SHC4: variants seen among roughly 807,000 people sequenced by gnomAD.
SHC4 encodes the protein SHC-transforming protein 4.
Under a neutral mutation model 69.4 loss-of-function variants are expected in SHC4, and 41 were observed. That is an observed-to-expected ratio of 0.59 (90% CI 0.46 to 0.77). SHC4 has a LOEUF of 0.77. Ranked by LOEUF, SHC4 falls within the 30% of genes least tolerant of loss-of-function variation. SHC4 has a pLI of 0.00. For synonymous variants in SHC4, 318 were observed against 299.3 expected, an observed-to-expected ratio of 1.06 and a Z score of -0.64; for missense variants, 777 against 783.8, an observed-to-expected ratio of 0.99 and a Z score of 0.10.
chr15:48,842,891 A>T (rs1413969091), intron 10 of SHC4, among the ~76,000 whole-genome samples: 3 of 152,124 alleles, frequency 2.0e-5, no homozygotes, highest in Non-Finnish European at 4.4e-5. Flanking sequence ...TGATCATGCC[A>T]CTGTACCCCA....
chr15:48,936,128 T>C (rs1004035564), intron 1 of SHC4, among the ~76,000 whole-genome samples: 1 of 152,122 alleles, frequency 6.6e-6, no homozygotes, highest in Non-Finnish European at 1.5e-5. Flanking sequence ...ACCCTCCAAA[T>C]ATATTTTGGT....
At chr15:48,879,635 C>T (rs905508638) in intron 4 of SHC4, 8 of 166,946 alleles carry the variant, frequency 4.8e-5, no homozygotes, top group Admixed American at 2.0e-4. Context: ...AAGTAAAAAG[C>T]GCTATATCTA....
At chr15:48,920,912 T>A (rs187331607) in intron 2 of SHC4, among the ~76,000 whole-genome samples, 1 of 56,570 alleles carries the variant, frequency 1.8e-5, no homozygotes, top group East Asian at 8.8e-4. Flanking sequence ...TCGAGACTCT[T>A]GTCTCTATAT....
At chr15:48,891,224 A>T (rs1344585322) in intron 2 of SHC4, among the ~76,000 whole-genome samples, 1 of 151,870 alleles carries the variant, frequency 6.6e-6, no homozygotes, top group Non-Finnish European at 1.5e-5. Flanking sequence ...TCAGAACTAA[A>T]GACAATTAAA....
At chr15:48,928,730 T>C (rs954913768) in intron 1 of SHC4, among the ~76,000 whole-genome samples, 2 of 152,154 alleles carry the variant, frequency 1.3e-5, no homozygotes, top group African/African-American at 4.8e-5. Context: ...TCCCCTTCCC[T>C]TCATGTGAAC....
intron 11 of SHC4, 100 bp from the exon 12 acceptor site, chr15:48,826,226 G>T: frequency 5.6e-6 from 6 of 1,066,760 alleles, no homozygotes; most frequent in Non-Finnish European, 7.8e-6. Context: ...CCCTAAAGTA[G>T]ATACTTTGCT....
chr15:48,934,158 T>A (rs1208218604), intron 1 of SHC4, among the ~76,000 whole-genome samples: 1 of 152,098 alleles, frequency 6.6e-6, no homozygotes, highest in African/African-American at 2.4e-5. Flanking sequence ...ACTCAGAGAA[T>A]GGGAGAAAAT....
At chr15:48,936,915 AG>A (rs1901081706) in intron 1 of SHC4, among the ~76,000 whole-genome samples, 1 of 152,164 alleles carries the variant, frequency 6.6e-6, no homozygotes. Flanking sequence ...TTGAACTAAG[AG>A]AGGTTTCATC....
intron 8 of SHC4, among the ~76,000 whole-genome samples, chr15:48,854,798 T>C (rs1268714249): frequency 1.3e-5 from 2 of 152,026 alleles, no homozygotes; most frequent in African/African-American, 4.8e-5. Context: ...ATGGCAACAA[T>C]TGACACTGGC....
chr15:48,833,540 A>G (rs906201626), intron 11 of SHC4, among the ~76,000 whole-genome samples: 18 of 152,110 alleles, frequency 1.2e-4, no homozygotes, highest in Non-Finnish European at 2.6e-4. Context: ...AGAACCTTCA[A>G]GTTGTGTACT....
At chr15:48,836,631 T>A (rs943184153) in intron 10 of SHC4, among the ~76,000 whole-genome samples, 5 of 152,178 alleles carry the variant, frequency 3.3e-5, no homozygotes, top group African/African-American at 1.2e-4. Context: ...GAAGTGTTTA[T>A]GTGTCCTTAG....
At chr15:48,911,852 T>C (rs1421919955) in intron 2 of SHC4, among the ~76,000 whole-genome samples, 1 of 152,292 alleles carries the variant, frequency 6.6e-6, no homozygotes, top group African/African-American at 2.4e-5. Flanking sequence ...CCTTCATGTA[T>C]GATGCTTAGT....
chr15:48,893,952 T>C (rs186134110), intron 2 of SHC4, among the ~76,000 whole-genome samples: 2 of 152,300 alleles, frequency 1.3e-5, no homozygotes, highest in African/African-American at 4.8e-5. Context: ...GCCCTGCCTC[T>C]AAAAACAATT....
chr15:48,937,552 A>G (rs1295935822), intron 1 of SHC4, among the ~76,000 whole-genome samples: 2 of 152,056 alleles, frequency 1.3e-5, no homozygotes, highest in Non-Finnish European at 1.5e-5. Flanking sequence ...CATATATTAT[A>G]TATAGAAGAT....
At position 48,957,029 on chromosome 15, in the gene SHC4, G is replaced by A. The variant is rs149407725; in HGVS notation, c.585+5402C>T. ...GTCTTGCTCTGTCGCCCAGGCTGCA[G>A]TGTAGTGGCATGATCTCAGCTCACT... On this transcript the variant is annotated intron_variant, in intron 1 of 11. Transcript: ENST00000332408. Among the ~76,000 whole-genome samples, 231 of 131,632 alleles carry A rather than the reference G, an allele frequency of 1.8e-3. 1 individual carries two copies. Among genetic ancestry groups the A allele is most frequent in the Non-Finnish European group, 2.3e-3 (149 of 65,232 alleles). The allele number at this position is 131,632 out of a possible 152,430, so 86.4% of individuals were successfully genotyped here. A position where few individuals can be genotyped will look rare whatever the true frequency, so the allele number is the denominator to read the frequency against.
At chr15:48,957,481 A>G (rs1359346811) in intron 1 of SHC4, among the ~76,000 whole-genome samples, 1 of 152,232 alleles carries the variant, frequency 6.6e-6, no homozygotes, top group Non-Finnish European at 1.5e-5. Flanking sequence ...GATGATTGAC[A>G]ATACTAGTTT....
chr15:48,854,832 G>A (rs556798376), intron 8 of SHC4, among the ~76,000 whole-genome samples: 2 of 152,304 alleles, frequency 1.3e-5, no homozygotes, highest in Admixed American at 1.3e-4. Context: ...AGGAGGGAAA[G>A]AGGGGGGCAA....
intron 8 of SHC4, among the ~76,000 whole-genome samples, chr15:48,852,943 T>TAAAA (rs910104161): frequency 7.1e-6 from 1 of 140,642 alleles, no homozygotes; most frequent in Non-Finnish European, 1.6e-5. Context: ...AATAAATAAA[T>TAAAA]AAAATAAAAA....
chr15:48,936,949 G>C (rs1156396596), intron 1 of SHC4, among the ~76,000 whole-genome samples: 1 of 152,124 alleles, frequency 6.6e-6, no homozygotes, highest in Non-Finnish European at 1.5e-5. Flanking sequence ...CTTGAGCACA[G>C]ACAAAGTCAC....
Sources: gnomAD v4.1 joint callset for allele counts (sites outside exome capture counted in the v4.1 genomes callset) on GRCh38, gnomAD v4.1.1 for gene constraint, MANE v1.5 for transcripts, NCBI Gene and HGNC (gene_info 2026-07-23, HGNC 2026-07-21) for gene names.